NAT10: variants seen among roughly 807,000 people sequenced by gnomAD.
NAT10 encodes N-acetyltransferase 10, also known as RNA cytidine acetyltransferase.
NAT10 carries 109 observed loss-of-function variants against 132.2 expected under a neutral mutation model. The observed-to-expected ratio is 0.82, with a 90% CI of 0.71 to 0.97. The LOEUF is 0.97. Ranked by LOEUF, NAT10 falls within the 50% of genes least tolerant of loss-of-function variation. The pLI is 0.00. For synonymous variants in NAT10, 479 were observed against 478.0 expected (o/e 1.00, Z -0.03); for missense variants, 1,184 against 1,263.4 (o/e 0.94, Z 0.95).
chr11:34,130,973 A>T lies in NAT10; in HGVS notation c.1369+36A>T, dbSNP rs369062579. ...ACCTGACCCGGGTCCCGCGGTTCAC[A>T]GCAAGGCCCTTCAGTCTTACTGATC... is the stretch of plus-strand genomic sequence containing the variant. On this transcript the variant is annotated intron_variant, in intron 13 of 28. Transcript: ENST00000257829. 3.7e-6 allele frequency: 6 copies of T among 1,611,162 alleles called. No homozygotes were observed. In the African/African-American group the frequency reaches 6.7e-5, roughly 18 times the overall value.
At chr11:34,112,823 G>A (rs969259547) in intron 4 of NAT10, among the ~76,000 whole-genome samples, 13 of 152,238 alleles carry the variant, frequency 8.5e-5, no homozygotes, top group Middle Eastern at 3.4e-3. Context: ...AAGCACTGGT[G>A]GTCTTTGTTT....
Position 34,112,107 on chromosome 11 carries a change from A to C in NAT10, c.256A>C (p.Asn86His), listed in dbSNP as rs143140314. The part of the protein sequence containing the change: ...LQKKIKNGTL[N>H]IKQDDPFELF... ...GAAGAAAATAAAGAATGGAACACTG[A>C]ACATAAAGCAGGACGACCCCTTTGA... Residue 86 changes from asparagine (N) to histidine (H), a missense_variant, in exon 4 of 29, where the codon AAC becomes CAC. Coordinates refer to ENST00000257829, the MANE Select transcript of NAT10 (RefSeq NM_024662.3). 40 of 1,614,120 alleles carry C rather than the reference A, an allele frequency of 2.5e-5. No individual in the cohort carries two copies. Among genetic ancestry groups the C allele is most frequent in the Non-Finnish European group, 3.4e-5 (40 of 1,180,052 alleles).
chr11:34,136,505 G>A, intron 19 of NAT10, 137 bp from the exon 20 acceptor site: 1 of 987,230 alleles, frequency 1.0e-6, no homozygotes, highest in Non-Finnish European at 1.5e-6. Context: ...CTCATAGTTT[G>A]AAAACCACAG....
At chr11:34,132,998 C>T in intron 15 of NAT10, 28 bp from the exon 16 acceptor site, 2 of 1,571,750 alleles carry the variant, frequency 1.3e-6, no homozygotes, top group Non-Finnish European at 1.8e-6. Flanking sequence ...AAGAGTGCTT[C>T]TCACTGACCC....
At chr11:34,125,941 A>G (rs59359577) in intron 11 of NAT10, among the ~76,000 whole-genome samples, 12,529 of 152,248 alleles carry the variant, frequency 0.082, 528 homozygotes, top group Non-Finnish European at 0.092. Flanking sequence ...AGATCACACC[A>G]CTGCACTCCA....
At chr11:34,127,735 C>A in intron 12 of NAT10, 136 bp downstream of exon 12, 2 of 1,085,366 alleles carry the variant, frequency 1.8e-6, no homozygotes, top group Non-Finnish European at 2.6e-6. Flanking sequence ...CTGCTTCATT[C>A]TCTACTGGGC....
intron 25 of NAT10, 87 bp from the exon 26 acceptor site, chr11:34,141,631 TC>T (rs1745175746): frequency 8.6e-7 from 1 of 1,160,824 alleles, no homozygotes; most frequent in Admixed American, 1.9e-5. Flanking sequence ...TGCACACCTT[TC>T]TATAAGACAC....
chr11:34,137,775 C>T (rs1352488512), intron 21 of NAT10, among the ~76,000 whole-genome samples: 1 of 152,194 alleles, frequency 6.6e-6, no homozygotes, highest in Non-Finnish European at 1.5e-5. Flanking sequence ...ACAGCACATA[C>T]AAGACTGAGA....
At chr11:34,130,607 G>A (rs535163111) in intron 12 of NAT10, among the ~76,000 whole-genome samples, 1 of 152,334 alleles carries the variant, frequency 6.6e-6, no homozygotes, top group East Asian at 1.9e-4. Flanking sequence ...GTGAGCCCAG[G>A]CCTGGGTGGC....
intron 6 of NAT10, among the ~76,000 whole-genome samples, chr11:34,116,100 G>T (rs900665510): frequency 1.3e-5 from 2 of 152,204 alleles, no homozygotes; most frequent in African/African-American, 4.8e-5. Context: ...TTGTCTTGCT[G>T]CTGGCCTTGA....
chr11:34,124,493 T>C, intron 11 of NAT10, 93 bp downstream of exon 11: 1 of 834,578 alleles, frequency 1.2e-6, no homozygotes, highest in Non-Finnish European at 1.9e-6. Context: ...CATGTATGTC[T>C]TGTGTAATTG....
intron 21 of NAT10, among the ~76,000 whole-genome samples, chr11:34,137,420 G>A (rs929624269): frequency 6.6e-6 from 1 of 152,096 alleles, no homozygotes; most frequent in African/African-American, 2.4e-5. Flanking sequence ...AGGGAAGAGT[G>A]GGAGTTCTTT....
chr11:34,137,080 A>G, intron 21 of NAT10, 54 bp downstream of exon 21: 2 of 1,598,900 alleles, frequency 1.3e-6, no homozygotes, highest in South Asian at 1.1e-5. Flanking sequence ...ATGGTAGGTG[A>G]CAGGCCTGTC....
At chr11:34,144,292 TAAATG>T (rs1484299562) in intron 28 of NAT10, among the ~76,000 whole-genome samples, 2 of 151,944 alleles carry the variant, frequency 1.3e-5, no homozygotes, top group Non-Finnish European at 2.9e-5. Context: ...AAAAAGAAAA[TAAATG>T]AAAAACTGAG....
At chr11:34,141,046 G>A (rs769324575) in intron 24 of NAT10, 43 bp from the exon 25 acceptor site, 1 of 1,613,268 alleles carries the variant, frequency 6.2e-7, no homozygotes, top group Admixed American at 1.7e-5. Context: ...AATGGGCAAG[G>A]GCGTGTCCTA....
In NAT10 at chr11:34,106,379, A is replaced by C. The variant is rs139509254; in HGVS notation, c.-16+587A>C. 4.6e-3 allele frequency among the ~76,000 whole-genome samples: 701 copies of C among 151,602 alleles called. 4 individuals are homozygous for C. The highest frequency in any genetic ancestry group is 0.016 in the African/African-American group (655 of 41,302). ...TCCATGACAGCTTCAGCCCATAGTA[A>C]TCTCAGCCCTTCCTTCATCTGACCG... On this transcript the variant is annotated intron_variant, in intron 1 of 28. Transcript: ENST00000257829.
chr11:34,114,416 G>A (rs927571200), intron 5 of NAT10, among the ~76,000 whole-genome samples: 11 of 152,196 alleles, frequency 7.2e-5, no homozygotes, highest in African/African-American at 2.4e-4. Flanking sequence ...CAAGTTTTAA[G>A]TCATGCCCAT....
intron 21 of NAT10, 190 bp from the exon 22 acceptor site, chr11:34,139,001 G>A (rs780381352): frequency 5.2e-6 from 3 of 579,148 alleles, no homozygotes; most frequent in Non-Finnish European, 9.3e-6. Context: ...GCTGTTGTGT[G>A]TGAACTGAGG....
In NAT10 at chr11:34,112,115, G is replaced by A. The variant is rs1200505967; in HGVS notation, c.264G>A (p.Lys88=). Residue 88 remains lysine (K), a synonymous_variant, in exon 4 of 29, where the codon AAG becomes AAA. Coordinates refer to ENST00000257829, the MANE Select transcript of NAT10 (RefSeq NM_024662.3). ...TAAAGAATGGAACACTGAACATAAA[G>A]CAGGACGACCCCTTTGAACTCTTCA... The part of the protein sequence containing the change: ...KKIKNGTLNI[K]QDDPFELFIA... The A allele has an allele frequency of 1.9e-6, 3 of 1,614,202 alleles. No individual in the cohort carries two copies. The highest frequency in any genetic ancestry group is 3.3e-5 in the Admixed American group (2 of 60,024).
Sources: allele counts gnomAD v4.1 joint callset (sites outside exome capture counted in the v4.1 genomes callset), GRCh38; gene constraint gnomAD v4.1.1; transcripts MANE v1.5; gene names NCBI Gene and HGNC (gene_info 2026-07-23, HGNC 2026-07-21).